UVSSA: variants seen among roughly 807,000 people sequenced by gnomAD.
The protein encoded by UVSSA is UV-stimulated scaffold protein A.
Under a neutral mutation model 73.9 loss-of-function variants are expected in UVSSA, and 72 were observed. The observed-to-expected ratio is 0.97, with a 90% CI of 0.81 to 1.19. The LOEUF (loss-of-function observed/expected upper bound fraction) is 1.19. UVSSA is among the 50% of genes most tolerant of loss of function. The pLI, the probability that UVSSA is intolerant of heterozygous loss-of-function variation, is 0.00. For missense variants in UVSSA, 1,150 were observed against 965.0 expected, an observed-to-expected ratio of 1.19 and a Z score of -2.54; for synonymous variants, 454 against 391.3, an observed-to-expected ratio of 1.16 and a Z score of -1.89.
chr4:1,390,944 G>A (rs1720396330), downstream of UVSSA: 1 of 152,350 alleles, frequency 6.6e-6, no homozygotes, highest in South Asian at 2.1e-4. Flanking sequence ...TTGTATAGAT[G>A]CCTGTTGGGT....
At chr4:1,382,846 G>T (rs1383409532) in intron 12 of UVSSA, among the ~76,000 whole-genome samples, 2 of 152,224 alleles carry the variant, frequency 1.3e-5, no homozygotes, top group Non-Finnish European at 2.9e-5. Flanking sequence ...GGCTCAGCTC[G>T]TGGGGTCCTG....
chr4:1,362,360 C>T (rs747357604), intron 7 of UVSSA, among the ~76,000 whole-genome samples: 12 of 152,182 alleles, frequency 7.9e-5, no homozygotes, highest in Non-Finnish European at 1.0e-4. Context: ...TCCAATGCCC[C>T]GCAGGGGACT....
At chr4:1,373,218 G>A (rs1480584721) in intron 8 of UVSSA, among the ~76,000 whole-genome samples, 1 of 152,162 alleles carries the variant, frequency 6.6e-6, no homozygotes, top group Non-Finnish European at 1.5e-5. Context: ...TGACCACAAG[G>A]TCCCACAAGA....
upstream of UVSSA, among the ~76,000 whole-genome samples, chr4:1,345,928 G>A (rs1713632571): frequency 1.3e-5 from 2 of 152,160 alleles, no homozygotes; most frequent in Admixed American, 1.3e-4. Flanking sequence ...GGGTGCCTTG[G>A]AGGAAGCCAC....
upstream of UVSSA, among the ~76,000 whole-genome samples, chr4:1,346,014 G>A (rs940191059): frequency 1.3e-5 from 2 of 152,194 alleles, no homozygotes; most frequent in Non-Finnish European, 2.9e-5. Flanking sequence ...GAAGCAAGAG[G>A]CAGGGTGAGG....
At chr4:1,346,508 C>G (rs533269417), upstream of UVSSA, among the ~76,000 whole-genome samples, 1 of 152,210 alleles carries the variant, frequency 6.6e-6, no homozygotes, top group Non-Finnish European at 1.5e-5. Flanking sequence ...GGCGCCTCTG[C>G]TTCTCATTCC....
rs1031718553 is a variant in UVSSA, at chr4:1,395,935, G to T, written c.*9974G>T. 12 of 1,541,430 alleles carry T rather than the reference G, an allele frequency of 7.8e-6. No homozygotes were observed. In the Admixed American group the frequency reaches 2.0e-4, roughly 26 times the overall value. On this transcript the variant is annotated 3_prime_UTR_variant, in exon 14 of 14. Coordinates refer to the UVSSA transcript ENST00000511216. The stretch of plus-strand genomic sequence containing the variant: ...CTGATTTGTTAGCCTGGTGCTTTTC[G>T]TATCAGACCTTTTAATGAATTTTCA...
At chr4:1,364,774 C>T (rs1264067024) in intron 7 of UVSSA, among the ~76,000 whole-genome samples, 1 of 151,972 alleles carries the variant, frequency 6.6e-6, no homozygotes, top group African/African-American at 2.4e-5. Flanking sequence ...CCACCCCAGC[C>T]ACCCCAGGGC....
At chr4:1,374,191 C>T (rs1028068886) in intron 8 of UVSSA, among the ~76,000 whole-genome samples, 31 of 152,334 alleles carry the variant, frequency 2.0e-4, no homozygotes, top group African/African-American at 5.8e-4. Context: ...CCCCCCTGGC[C>T]GGCAGCCCAC....
Position 1,355,126 on chromosome 4 carries a change from C to T in UVSSA, c.1057C>T (p.Arg353Cys), listed in dbSNP as rs879145271. Residue 353 changes from arginine to cysteine, a missense_variant, in exon 7 of 14, where the codon CGC (arginine) becomes TGC (cysteine). Coordinates refer to ENST00000389851, the MANE Select transcript of UVSSA (RefSeq NM_020894.4). The part of the protein sequence containing the change: ...AVCSWIQRFT[R>C]VGTHGGCLKR... ...CACCCCCGTTTCGCAGCGCTTCACC[C>T]GCGTCGGGACCCACGGTGGATGTTT... The T allele has an allele frequency of 3.2e-5, 52 of 1,613,548 alleles. No individual in the cohort carries two copies. Among genetic ancestry groups the T allele is most frequent in the East Asian group, 2.2e-4 (10 of 44,888 alleles).
At chr4:1,346,596 C>T (rs1713713900), upstream of UVSSA, among the ~76,000 whole-genome samples, 1 of 152,154 alleles carries the variant, frequency 6.6e-6, no homozygotes, top group Non-Finnish European at 1.5e-5. Flanking sequence ...CCCAAGCCCG[C>T]CCAGGGATTC....
downstream of UVSSA, chr4:1,388,054 C>G (rs1440332224): frequency 6.6e-6 from 1 of 151,606 alleles, no homozygotes; most frequent in Non-Finnish European, 1.5e-5. Flanking sequence ...TCATGAGCTT[C>G]TGATTATCTT....
At chr4:1,364,876 G>C (rs565208146) in intron 7 of UVSSA, among the ~76,000 whole-genome samples, 1 of 152,320 alleles carries the variant, frequency 6.6e-6, no homozygotes, top group Admixed American at 6.5e-5. Context: ...TGAAGGTGAG[G>C]AATGACCGCC....
chr4:1,384,939 C>G (rs1560491333), intron 13 of UVSSA: 1 of 152,384 alleles, frequency 6.6e-6, no homozygotes, highest in Non-Finnish European at 1.5e-5. Flanking sequence ...TGTGGAGAGG[C>G]TGCCTGGGGC....
chr4:1,353,283 C>T lies in UVSSA; in HGVS notation c.804C>T (p.Gly268=), dbSNP rs750847610. ...CTGCAGGCCACCCCAGAGCGGGCGG[C>T]GGGGCACAGCCATCCCAGACAGCCA... ...PASAGHPRAG[G]GAQPSQTATG... is the part of the protein sequence containing the mutation. The change falls in exon 5 of 14, where the codon GGC becomes GGT. Residue 268 remains glycine (G), a synonymous_variant. Transcript: ENST00000389851. 1.5e-5 allele frequency: 24 copies of T among 1,610,930 alleles called. No individual in the cohort carries two copies. Among genetic ancestry groups the T allele is most frequent in the East Asian group, 2.2e-5 (1 of 44,866 alleles).
At chr4:1,366,164 A>T (rs576172856) in intron 7 of UVSSA, 156 bp from the exon 8 acceptor site, 166 of 633,610 alleles carry the variant, frequency 2.6e-4, no homozygotes, top group Middle Eastern at 6.4e-4. Context: ...AGCCTTGGAG[A>T]CGATCTTAAA....
chr4:1,363,587 G>A (rs1187538904), intron 7 of UVSSA, among the ~76,000 whole-genome samples: 2 of 152,110 alleles, frequency 1.3e-5, no homozygotes, highest in African/African-American at 4.8e-5. Context: ...GTGTGATAAC[G>A]CGCTGCACTG....
chr4:1,390,578 C>T (rs910487269), downstream of UVSSA: 4 of 152,272 alleles, frequency 2.6e-5, no homozygotes, highest in African/African-American at 9.6e-5. Flanking sequence ...GCTACCATAC[C>T]TGGCCTGTTA....
chr4:1,380,907 C>T lies in UVSSA; in HGVS notation c.1780C>T (p.Arg594Trp), dbSNP rs28614045. 3.1e-6 allele frequency: 5 copies of T among 1,612,730 alleles called. No homozygotes were observed. The highest frequency in any genetic ancestry group is 2.7e-5 in the African/African-American group (2 of 74,826). ...CCCTTTCCATGGGAAGATTGTTCCA[C>T]GGGACGACGAAGGACGGCCGCTCGA... is the stretch of plus-strand genomic sequence containing the variant. The part of the protein sequence containing the change: ...KCPFHGKIVP[R>W]DDEGRPLDPE... The change falls in exon 12 of 14, where the codon CGG becomes TGG. Residue 594 changes from arginine (R) to tryptophan (W), a missense_variant. Physicochemically the swap from Arg to Trp is moderately radical, Grantham distance 101 (BLOSUM62 -3). Transcript: ENST00000389851.
Sources: gnomAD v4.1 joint callset for allele counts (sites outside exome capture counted in the v4.1 genomes callset) on GRCh38, gnomAD v4.1.1 for gene constraint, MANE v1.5 for transcripts, NCBI Gene and HGNC (gene_info 2026-07-23, HGNC 2026-07-21) for gene names.